Variants in TGFBRAP1 observed in about 807,000 individuals in gnomAD.
The protein encoded by TGFBRAP1 is transforming growth factor-beta receptor-associated protein 1.
Under a neutral mutation model 83.2 loss-of-function variants are expected in TGFBRAP1, and 20 were observed. That is an observed-to-expected ratio of 0.24 (90% confidence interval 0.17 to 0.35). The LOEUF (loss-of-function observed/expected upper bound fraction) is 0.35, where lower values mean the gene tolerates loss of function less well. Ranked by LOEUF, TGFBRAP1 falls within the 10% of genes least tolerant of loss-of-function variation. TGFBRAP1 has a pLI of 1.00. For synonymous variants in TGFBRAP1, 415 were observed against 459.8 expected (o/e 0.90, Z 1.25); for missense variants, 950 against 1,099.4 (o/e 0.86, Z 1.92).
intron 6 of TGFBRAP1, among the ~76,000 whole-genome samples, chr2:105,280,094 C>G (rs769464267): frequency 6.6e-6 from 1 of 150,996 alleles, no homozygotes; most frequent in Non-Finnish European, 1.5e-5. Flanking sequence ...CATTTACTCA[C>G]AAAGCATATT....
chr2:105,303,528 G>A (rs919324905), intron 2 of TGFBRAP1, among the ~76,000 whole-genome samples: 13 of 152,302 alleles, frequency 8.5e-5, no homozygotes, highest in African/African-American at 3.1e-4. Context: ...ACTCCCACCA[G>A]GCATGGATGA....
rs1250427964 is a variant in TGFBRAP1, at chr2:105,269,693, C to G, written c.1985G>C (p.Gly662Ala). 2 of 1,543,388 alleles carry G rather than the reference C, an allele frequency of 1.3e-6. No homozygotes were observed. Among genetic ancestry groups the G allele is most frequent in the Non-Finnish European group, 1.8e-6 (2 of 1,142,266 alleles). Residue 662 changes from glycine to alanine, a missense_variant, in exon 11 of 12, where the codon GGA (glycine) becomes GCA (alanine). By Grantham distance (60) the Gly-to-Ala change is moderately conservative (BLOSUM62 0). Coordinates refer to ENST00000393359, the MANE Select transcript of TGFBRAP1 (RefSeq NM_004257.6). This position sits in a 1 kb window ranked among gnomAD's most constrained non-coding sequence, Gnocchi z 4.1. The part of the protein sequence containing the change: ...RVHFLLERLQ[G>A]AGLPMESAIL... The stretch of plus-strand genomic sequence containing the variant: ...GGCGCTCTCCATGGGCAGGCCAGCT[C>G]CCTGCAGCCTCTCTGCAAGACAGAA...
intron 3 of TGFBRAP1, 62 bp from the exon 4 acceptor site, chr2:105,296,572 T>C (rs1366269153): frequency 2.6e-6 from 4 of 1,559,346 alleles, no homozygotes; most frequent in Non-Finnish European, 2.6e-6. Flanking sequence ...AAAAACACAC[T>C]GCTTTCCCCA....
rs1349773169 is a variant in TGFBRAP1, at chr2:105,269,747, C to T, written c.1973-42G>A. On this transcript the variant is annotated intron_variant, in intron 10 of 11. Transcript: ENST00000393359. This position sits in a 1 kb window ranked among gnomAD's most constrained non-coding sequence, Gnocchi z 4.1. The stretch of plus-strand genomic sequence containing the variant: ...GCAGCTCAGAAAGAAAGGGGCTCGC[C>T]GGCCACCCGCCCAGCGACTGGCCTC... 18 of 1,455,036 alleles carry T rather than the reference C, an allele frequency of 1.2e-5. No homozygotes were observed. The highest frequency in any genetic ancestry group is 2.5e-4 in the Middle Eastern group (1 of 3,986). The allele number at this position is 1,455,036 out of a possible 1,614,324, so 90.1% of individuals were successfully genotyped here. A position where few individuals can be genotyped will look rare whatever the true frequency, so the allele number is the denominator to read the frequency against.
At chr2:105,271,427 C>T (rs994489117) in intron 10 of TGFBRAP1, among the ~76,000 whole-genome samples, 5 of 152,282 alleles carry the variant, frequency 3.3e-5, no homozygotes, top group East Asian at 1.9e-4. Context: ...CAGTCAGGGA[C>T]GGTGGCTGTG....
intron 7 of TGFBRAP1, 94 bp from the exon 8 acceptor site, chr2:105,275,797 T>C (rs1200470386): frequency 7.4e-7 from 1 of 1,347,434 alleles, no homozygotes; most frequent in African/African-American, 1.5e-5. Context: ...GGCATATGTT[T>C]ACTTATTTGG....
Position 105,302,009 on chromosome 2 carries a change from T to TAAAAAAAAAAAAAAAAAAAAAA in TGFBRAP1, c.689-3305_689-3304insTTTTTTTTTTTTTTTTTTTTTT, listed in dbSNP as rs35548542. 4.0e-5 allele frequency among the ~76,000 whole-genome samples: 3 copies of TAAAAAAAAAAAAAAAAAAAAAA among 75,110 alleles called. 1 individual carries two copies. Among genetic ancestry groups the TAAAAAAAAAAAAAAAAAAAAAA allele is most frequent in the African/African-American group, 5.2e-5 (1 of 19,186 alleles). 49.3% of individuals were successfully genotyped at this position (75,110 alleles called of 152,430 possible). The stretch of plus-strand genomic sequence containing the variant: ...GGTATCTCAAACATATAAAGAATAC[T>TAAAAAAAAAAAAAAAAAAAAAA]AAAAAAAAAAAAAAAAAAAAGGCCT... On this transcript the variant is annotated intron_variant, in intron 2 of 11. Transcript: ENST00000393359.
At chr2:105,325,064 G>C (rs1679184502) in intron 1 of TGFBRAP1, 1 of 152,326 alleles carries the variant, frequency 6.6e-6, no homozygotes, top group African/African-American at 2.4e-5. Context: ...CCATTCTCCA[G>C]CTACTTCTGG....
chr2:105,306,522 G>A (rs1678504818), intron 2 of TGFBRAP1, among the ~76,000 whole-genome samples: 1 of 152,150 alleles, frequency 6.6e-6, no homozygotes, highest in Admixed American at 6.5e-5. Flanking sequence ...TGCTGGCCAG[G>A]CATGGTGGCT....
chr2:105,255,699 C>T, the TGFBRAP1 span, among the ~76,000 whole-genome samples: 44 of 152,232 alleles, frequency 2.9e-4, no homozygotes, highest in African/African-American at 8.9e-4. Context: ...CCCATGGGGT[C>T]GCCATCCACC....
At chr2:105,282,397 C>T (rs575925047) in intron 5 of TGFBRAP1, among the ~76,000 whole-genome samples, 7 of 152,318 alleles carry the variant, frequency 4.6e-5, no homozygotes, top group South Asian at 2.1e-4. Context: ...CTGTGGCCTC[C>T]GGCACGGCAC....
intron 4 of TGFBRAP1, among the ~76,000 whole-genome samples, chr2:105,286,740 C>T (rs1677731983): frequency 6.6e-6 from 1 of 152,160 alleles, no homozygotes; most frequent in African/African-American, 2.4e-5. Context: ...ATTCTGGAAG[C>T]AAGTTGAAAC....
the TGFBRAP1 span, among the ~76,000 whole-genome samples, chr2:105,255,255 C>G: frequency 1.3e-5 from 2 of 152,166 alleles, no homozygotes; most frequent in African/African-American, 4.8e-5. Context: ...GACAGACTGC[C>G]CCTCCCAGCA....
At chr2:105,289,633 C>T (rs889115506) in intron 4 of TGFBRAP1, among the ~76,000 whole-genome samples, 5 of 152,194 alleles carry the variant, frequency 3.3e-5, no homozygotes, top group African/African-American at 1.2e-4. Context: ...CTACAGGCCT[C>T]GAAACTCTTC....
intron 4 of TGFBRAP1, among the ~76,000 whole-genome samples, chr2:105,290,159 C>G (rs910606974): frequency 8.4e-4 from 128 of 152,302 alleles, no homozygotes; most frequent in African/African-American, 2.7e-3. Context: ...CTCCGCCTCA[C>G]GGGTTCAAGT....
chr2:105,258,534 C>T, the TGFBRAP1 span, among the ~76,000 whole-genome samples: 190 of 151,974 alleles, frequency 1.3e-3, no homozygotes, highest in East Asian at 1.2e-3. Flanking sequence ...TCTTCTCCTG[C>T]CCTTAGACTG....
chr2:105,277,909 A>T (rs1322380564), intron 6 of TGFBRAP1, among the ~76,000 whole-genome samples: 1 of 152,006 alleles, frequency 6.6e-6, no homozygotes, highest in Non-Finnish European at 1.5e-5. Flanking sequence ...TATTTTTAAA[A>T]ATTAGCCAGG....
intron 1 of TGFBRAP1, among the ~76,000 whole-genome samples, chr2:105,316,674 C>T (rs140971605): frequency 4.7e-4 from 71 of 151,942 alleles, no homozygotes; most frequent in Non-Finnish European, 9.0e-4. Flanking sequence ...ATTAGCTGGG[C>T]GTGGCTGTGC....
chr2:105,261,700 C>T (rs145324625), downstream of TGFBRAP1, among the ~76,000 whole-genome samples: 6 of 151,946 alleles, frequency 3.9e-5, no homozygotes, highest in Admixed American at 2.0e-4. Flanking sequence ...CACAGTGAGC[C>T]GAGATCACGC....
Sources: gnomAD v4.1 joint callset for allele counts (sites outside exome capture counted in the v4.1 genomes callset) on GRCh38, gnomAD v4.1.1 for gene constraint, Gnocchi (gnomAD v3.1) non-coding constraint, MANE v1.5 for transcripts, NCBI Gene and HGNC (gene_info 2026-07-23, HGNC 2026-07-21) for gene names.